Variants in SRBD1 observed in about 807,000 individuals in gnomAD.
SRBD1 encodes S1 RNA binding domain 1.
SRBD1 carries 88 observed loss-of-function variants against 115.3 expected under a neutral mutation model. The ratio of observed to expected loss-of-function variants is 0.76; its 90% CI spans 0.64 to 0.91. The LOEUF is 0.91. SRBD1 is among the 40% of genes least tolerant of loss of function. The pLI is 0.00. For missense variants in SRBD1, 1,385 were observed against 1,177.4 expected (o/e 1.18, Z -2.58); for synonymous variants, 509 against 407.7 (o/e 1.25, Z -2.99).
intron 14 of SRBD1, among the ~76,000 whole-genome samples, chr2:45,522,910 T>G (rs762251594): frequency 6.6e-6 from 1 of 152,164 alleles, no homozygotes; most frequent in African/African-American, 2.4e-5. Flanking sequence ...ATTACTAGTT[T>G]TAGGGAGTCA....
At position 45,605,385 on chromosome 2, in the gene SRBD1, A is replaced by T. The variant is rs777359113; in HGVS notation, c.57T>A (p.Asp19Glu). Residue 19 changes from aspartate (D) to glutamate (E), a missense_variant, in exon 2 of 21, where the codon GAT becomes GAA. Coordinates refer to ENST00000263736, the MANE Select transcript of SRBD1 (RefSeq NM_018079.5). ...ACAACTCAGAGAATGAAGAAAATTC[A>T]TCTTTCAGTACCACATCCTGGACCT... is the stretch of plus-strand genomic sequence containing the variant. ...KVQVQDVVLK[D>E]EFSSFSELSS... is the part of the protein sequence containing the mutation. 1.2e-6 allele frequency: 2 copies of T among 1,613,554 alleles called. No individual in the cohort carries two copies. The highest frequency in any genetic ancestry group is 2.7e-5 in the African/African-American group (2 of 74,938).
intron 16 of SRBD1, among the ~76,000 whole-genome samples, chr2:45,464,723 A>G (rs116583571): frequency 1.2e-3 from 179 of 152,326 alleles, no homozygotes; most frequent in African/African-American, 4.1e-3. Flanking sequence ...ACTGAGACAC[A>G]AAATTGGAGA....
At chr2:45,587,074 A>G (rs1477058558) in intron 4 of SRBD1, among the ~76,000 whole-genome samples, 1 of 134,256 alleles carries the variant, frequency 7.4e-6, no homozygotes, top group Non-Finnish European at 1.5e-5. Context: ...TATAAATATT[A>G]AAATATTTAA....
intron 9 of SRBD1, among the ~76,000 whole-genome samples, chr2:45,567,398 T>C (rs1354822366): frequency 2.0e-5 from 3 of 152,032 alleles, no homozygotes; most frequent in Non-Finnish European, 1.5e-5. Context: ...CTGGTTGAGC[T>C]CAGGAGTTCA....
intron 15 of SRBD1, among the ~76,000 whole-genome samples, chr2:45,485,390 C>G (rs1670086920): frequency 6.6e-6 from 1 of 152,160 alleles, no homozygotes; most frequent in South Asian, 2.1e-4. Context: ...CTTTCCCATT[C>G]CTTTTATCTT....
At chr2:45,569,503 T>C (rs1320806100) in intron 9 of SRBD1, 2 of 152,220 alleles carry the variant, frequency 1.3e-5, no homozygotes, top group African/African-American at 4.8e-5. Flanking sequence ...AATTACATTC[T>C]TAATGATGAA....
At chr2:45,590,379 A>G (rs1242811450) in intron 4 of SRBD1, among the ~76,000 whole-genome samples, 1 of 152,192 alleles carries the variant, frequency 6.6e-6, no homozygotes. Flanking sequence ...CCTTTGTAGG[A>G]CTAACAAATT....
At chr2:45,598,471 G>A (rs1042706548) in intron 4 of SRBD1, among the ~76,000 whole-genome samples, 7 of 151,730 alleles carry the variant, frequency 4.6e-5, no homozygotes, top group South Asian at 2.1e-4. Flanking sequence ...AAAATTAGCC[G>A]GGCGTGGTGG....
At chr2:45,505,783 A>G (rs1438175289) in intron 14 of SRBD1, among the ~76,000 whole-genome samples, 4 of 151,424 alleles carry the variant, frequency 2.6e-5, no homozygotes, top group African/African-American at 7.3e-5. Context: ...AGAGACCCAA[A>G]GAGTTAAATA....
intron 14 of SRBD1, among the ~76,000 whole-genome samples, chr2:45,531,578 G>A (rs1231670329): frequency 6.6e-6 from 1 of 151,602 alleles, no homozygotes; most frequent in African/African-American, 2.4e-5. Context: ...AGACAATCAT[G>A]GTGATAATCC....
chr2:45,414,568 CAT>C lies in SRBD1; in HGVS notation c.2334-1277_2334-1276del, dbSNP rs199981759. On this transcript the variant is annotated intron_variant, in intron 18 of 20. Coordinates refer to ENST00000263736, the MANE Select transcript of SRBD1 (RefSeq NM_018079.5). ...ATAGTGTCTGTAGTGTGTGTACACACATAGTGTGTATATAGTGTGTGTGTACA... is the reference window on the plus strand; with the variant it reads ...ATAGTGTCTGTAGTGTGTGTACACACAGTGTGTATATAGTGTGTGTGTACA... Among the ~76,000 whole-genome samples, 61 of 148,754 alleles carry C rather than the reference CAT, an allele frequency of 4.1e-4. No homozygotes were observed. The East Asian group carries it at 8.1e-3, about 20-fold the overall frequency.
intron 5 of SRBD1, among the ~76,000 whole-genome samples, chr2:45,584,921 C>T (rs1329538335): frequency 1.3e-5 from 2 of 152,122 alleles, no homozygotes; most frequent in South Asian, 2.1e-4. Context: ...GAGGCCAAGG[C>T]GGGTGGATCA....
At chr2:45,461,243 T>G (rs1193352727) in intron 16 of SRBD1, among the ~76,000 whole-genome samples, 1 of 152,236 alleles carries the variant, frequency 6.6e-6, no homozygotes, top group Non-Finnish European at 1.5e-5. Flanking sequence ...CTTCCTTTCA[T>G]GGAGACTTGT....
intron 9 of SRBD1, among the ~76,000 whole-genome samples, chr2:45,569,714 T>C (rs888476341): frequency 1.3e-5 from 2 of 151,746 alleles, no homozygotes; most frequent in African/African-American, 2.4e-5. Flanking sequence ...ATAAAGAAAA[T>C]AAATAAAACA....
At chr2:45,424,666 C>A (rs1668100380) in intron 16 of SRBD1, among the ~76,000 whole-genome samples, 1 of 152,100 alleles carries the variant, frequency 6.6e-6, no homozygotes, top group African/African-American at 2.4e-5. Flanking sequence ...ATAAGACAGA[C>A]ATACATATAC....
intron 15 of SRBD1, among the ~76,000 whole-genome samples, chr2:45,482,724 ATAGACT>A (rs1670004300): frequency 6.6e-6 from 1 of 152,036 alleles, no homozygotes; most frequent in Admixed American, 6.6e-5. Context: ...TCTATATACT[ATAGACT>A]TTTAAAAGTA....
chr2:45,549,297 G>C (rs371327520), intron 12 of SRBD1, among the ~76,000 whole-genome samples: 1 of 55,668 alleles, frequency 1.8e-5, no homozygotes, highest in Non-Finnish European at 5.1e-5. Context: ...AATCCACACA[G>C]AGTTTTTTTT....
chr2:45,492,961 C>T (rs1292982759), intron 14 of SRBD1, among the ~76,000 whole-genome samples: 1 of 151,934 alleles, frequency 6.6e-6, no homozygotes. Flanking sequence ...AGTAAGATAC[C>T]AAAAATCAAC....
rs58100763 is a variant in SRBD1 at position 45,571,517 on chromosome 2, C to CAAAAAAAAAAAAAAAA, written c.1305+1674_1305+1689dup. 9.9e-4 allele frequency among the ~76,000 whole-genome samples: 39 copies of CAAAAAAAAAAAAAAAA among 39,406 alleles called. 3 individuals are homozygous for CAAAAAAAAAAAAAAAA. Among genetic ancestry groups the CAAAAAAAAAAAAAAAA allele is most frequent in the African/African-American group, 2.2e-3 (25 of 11,166 alleles). 25.9% of individuals were successfully genotyped at this position (39,406 alleles called of 152,430 possible). ...AAAATACAACATATCCAGACTTTAC[C>CAAAAAAAAAAAAAAAA]AAAAAAAAAAAAAAAAAAAAAAAAA... On this transcript the variant is annotated intron_variant, in intron 9 of 20. Transcript: ENST00000263736.
Sources: gnomAD v4.1 joint callset for allele counts (sites outside exome capture counted in the v4.1 genomes callset) on GRCh38, gnomAD v4.1.1 for gene constraint, MANE v1.5 for transcripts, NCBI Gene and HGNC (gene_info 2026-07-23, HGNC 2026-07-21) for gene names.